MSI2: variants seen among roughly 807,000 people sequenced by gnomAD.
MSI2 encodes the protein RNA-binding protein Musashi homolog 2.
A neutral mutation model predicts 45.6 loss-of-function variants in MSI2; 17 were observed. The ratio of observed to expected loss-of-function variants is 0.37; its 90% CI spans 0.26 to 0.56. The LOEUF (loss-of-function observed/expected upper bound fraction) is 0.56. MSI2 is among the 20% of genes least tolerant of loss of function. The pLI, the probability that MSI2 is intolerant of heterozygous loss-of-function variation, is 0.77. For synonymous variants in MSI2, 156 were observed against 158.2 expected (o/e 0.99, Z 0.11); for missense variants, 293 against 444.2 (o/e 0.66, Z 3.06).
chr17:57,387,398 G>A (rs2083704951), intron 5 of MSI2, among the ~76,000 whole-genome samples: 1 of 152,172 alleles, frequency 6.6e-6, no homozygotes. Flanking sequence ...ATATGTTCCT[G>A]GCATGTGGAG....
intron 5 of MSI2, among the ~76,000 whole-genome samples, chr17:57,317,404 C>T (rs780744517): frequency 9.2e-5 from 14 of 152,038 alleles, no homozygotes; most frequent in Non-Finnish European, 2.1e-4. Flanking sequence ...CACAAGGAGG[C>T]CTTAATGCCT....
At chr17:57,611,622 G>C (rs1377282213) in intron 8 of MSI2, among the ~76,000 whole-genome samples, 1 of 96,976 alleles carries the variant, frequency 1.0e-5, no homozygotes, top group Non-Finnish European at 2.5e-5. Flanking sequence ...TGCAGCTTCT[G>C]CCTGAGTCTG....
chr17:57,373,146 A>G (rs1225908895), intron 5 of MSI2, among the ~76,000 whole-genome samples: 2 of 151,908 alleles, frequency 1.3e-5, no homozygotes, highest in East Asian at 3.9e-4. Context: ...AGTCCCAGCC[A>G]CTTGGGAGGC....
intron 6 of MSI2, among the ~76,000 whole-genome samples, chr17:57,510,937 C>T (rs1003016755): frequency 2.0e-4 from 30 of 152,190 alleles, no homozygotes; most frequent in Admixed American, 1.6e-3. Context: ...CGCTGTATCC[C>T]GCTCTCTGGA....
chr17:57,338,325 A>G (rs1432837782), intron 5 of MSI2, among the ~76,000 whole-genome samples: 1 of 152,108 alleles, frequency 6.6e-6, no homozygotes, highest in East Asian at 1.9e-4. Context: ...CCTGACCTCA[A>G]ATAACCCACC....
chr17:57,564,792 A>G (rs1567903405), intron 7 of MSI2, among the ~76,000 whole-genome samples: 1 of 152,244 alleles, frequency 6.6e-6, no homozygotes, highest in Non-Finnish European at 1.5e-5. Flanking sequence ...AGCACACAGT[A>G]GGTACTGAGT....
intron 8 of MSI2, among the ~76,000 whole-genome samples, chr17:57,597,870 G>T (rs1251163176): frequency 2.0e-5 from 3 of 152,154 alleles, no homozygotes; most frequent in Non-Finnish European, 4.4e-5. Context: ...ATTAATTTCT[G>T]CCCTCTTGAT....
chr17:57,404,759 G>A (rs1303388216), intron 6 of MSI2, among the ~76,000 whole-genome samples: 4 of 152,088 alleles, frequency 2.6e-5, no homozygotes, highest in African/African-American at 9.7e-5. Context: ...GTTTAAATAT[G>A]TCATTACTGT....
chr17:57,413,686 A>T (rs1237678752), intron 6 of MSI2, among the ~76,000 whole-genome samples: 1 of 151,784 alleles, frequency 6.6e-6, no homozygotes, highest in Non-Finnish European at 1.5e-5. Context: ...TTTACATATG[A>T]TTCTAATAAG....
intron 6 of MSI2, among the ~76,000 whole-genome samples, chr17:57,404,131 A>G (rs1442899489): frequency 6.6e-6 from 1 of 152,096 alleles, no homozygotes; most frequent in Non-Finnish European, 1.5e-5. Flanking sequence ...TATCTCATTT[A>G]ATTTTTCTCT....
intron 5 of MSI2, among the ~76,000 whole-genome samples, chr17:57,319,347 T>G (rs896780207): frequency 6.6e-6 from 1 of 152,198 alleles, no homozygotes; most frequent in Non-Finnish European, 1.5e-5. Flanking sequence ...TTCGGTGGCA[T>G]GGCCAGGACG....
At chr17:57,668,147 C>T (rs868731247) in intron 11 of MSI2, among the ~76,000 whole-genome samples, 3 of 152,018 alleles carry the variant, frequency 2.0e-5, no homozygotes, top group Non-Finnish European at 2.9e-5. Context: ...TGCAGTGAGT[C>T]GAGATTACAC....
intron 7 of MSI2, among the ~76,000 whole-genome samples, chr17:57,592,467 T>C (rs762846987): frequency 1.2e-4 from 18 of 152,336 alleles, no homozygotes; most frequent in Admixed American, 4.6e-4. Flanking sequence ...GTTGCTTCTT[T>C]GCTTTCCCCA....
chr17:57,293,771 G>C (rs1332915250), intron 5 of MSI2, among the ~76,000 whole-genome samples: 1 of 151,664 alleles, frequency 6.6e-6, no homozygotes, highest in African/African-American at 2.4e-5. Context: ...ACCACACCCG[G>C]CTAATTTTGT....
chr17:57,319,657 G>C (rs1913164474), intron 5 of MSI2, among the ~76,000 whole-genome samples: 1 of 152,188 alleles, frequency 6.6e-6, no homozygotes, highest in Non-Finnish European at 1.5e-5. Flanking sequence ...CTGTTGCCCA[G>C]GCTGGAGTGC....
chr17:57,507,231 G>A lies in MSI2; in HGVS notation c.406-22445G>A, dbSNP rs12952696. 2.8e-3 allele frequency among the ~76,000 whole-genome samples: 76 copies of A among 27,366 alleles called. 1 individual carries two copies. The highest frequency in any genetic ancestry group is 6.3e-3 in the African/African-American group (61 of 9,752). 18.0% of individuals were successfully genotyped at this position (27,366 alleles called of 152,430 possible). A position where few individuals can be genotyped will look rare whatever the true frequency, so the allele number is the denominator to read the frequency against. On this transcript the variant is annotated intron_variant, in intron 6 of 13. Transcript: ENST00000284073. ...GGTTTTTGTCTTTGTCTCTCTGTGT[G>A]TGTGTGTGTGTGTGTGTGTGTGTGT... is the stretch of plus-strand genomic sequence containing the variant.
intron 5 of MSI2, among the ~76,000 whole-genome samples, chr17:57,352,157 TCAA>T (rs1171762707): frequency 2.0e-5 from 3 of 152,204 alleles, no homozygotes; most frequent in Non-Finnish European, 4.4e-5. Flanking sequence ...AAGTAGGCAC[TCAA>T]CAAGTATATG....
intron 7 of MSI2, among the ~76,000 whole-genome samples, chr17:57,570,707 A>G (rs761003039): frequency 6.6e-6 from 1 of 152,216 alleles, no homozygotes; most frequent in Non-Finnish European, 1.5e-5. Flanking sequence ...CCTATTTGAG[A>G]CAAAGTGGGA....
At chr17:57,598,282 C>T (rs1383482836) in intron 8 of MSI2, among the ~76,000 whole-genome samples, 1 of 152,188 alleles carries the variant, frequency 6.6e-6, no homozygotes, top group Non-Finnish European at 1.5e-5. Context: ...CTAAAACATG[C>T]GTTCAGACAT....
Sources: allele counts gnomAD v4.1 joint callset (sites outside exome capture counted in the v4.1 genomes callset), GRCh38; gene constraint gnomAD v4.1.1; transcripts MANE v1.5; gene names NCBI Gene and HGNC (gene_info 2026-07-23, HGNC 2026-07-21).